Variants in DNASE1 observed in about 807,000 individuals in gnomAD.
DNASE1 encodes deoxyribonuclease-1.
A neutral mutation model predicts 33.9 loss-of-function variants in DNASE1; 40 were observed. The ratio of observed to expected loss-of-function variants is 1.18; its 90% CI spans 0.92 to 1.54. DNASE1 has a LOEUF of 1.54. Ranked by LOEUF, DNASE1 falls within the 40% of genes most tolerant of loss-of-function variation. DNASE1 has a pLI of 0.00. For synonymous variants in DNASE1, 216 were observed against 160.0 expected, an observed-to-expected ratio of 1.35 and a Z score of -2.64; for missense variants, 518 against 372.6, an observed-to-expected ratio of 1.39 and a Z score of -3.21.
intron 1 of DNASE1, among the ~76,000 whole-genome samples, chr16:3,637,655 C>G (rs1434201499): frequency 6.6e-6 from 1 of 152,140 alleles, no homozygotes; most frequent in Non-Finnish European, 1.5e-5. Context: ...GAGGACAGGC[C>G]TTGTTAAGAA....
chr16:3,640,808 T>C, upstream of DNASE1: 1 of 398,606 alleles, frequency 2.5e-6, no homozygotes, highest in Non-Finnish European at 4.4e-6. Context: ...AAGTTGCATG[T>C]CACTAGCTTC....
rs55920324 is a variant in DNASE1 at position 3,627,937 on chromosome 16, C to CAAAAA, written c.-1358-12758_-1358-12754dup. On this transcript the variant is annotated intron_variant and NMD_transcript_variant, in intron 1 of 11. Coordinates refer to the DNASE1 transcript ENST00000570769. ...TTTCAGCATGTATTTTCTATTTCTG[C>CAAAAA]AAAAAAAAAAAAAAAAAAAAAAAAG... Among the ~76,000 whole-genome samples the CAAAAA allele has an allele frequency of 1.8e-3, 142 of 80,376 alleles. 1 individual carries two copies. The highest frequency in any genetic ancestry group is 7.4e-3 in the African/African-American group (138 of 18,638). The allele number at this position is 80,376 out of a possible 152,430, so 52.7% of individuals were successfully genotyped here. A position where few individuals can be genotyped will look rare whatever the true frequency, so the allele number is the denominator to read the frequency against.
upstream of DNASE1, among the ~76,000 whole-genome samples, chr16:3,638,463 G>A (rs564217484): frequency 3.3e-4 from 50 of 152,040 alleles, no homozygotes; most frequent in African/African-American, 9.9e-4. Context: ...TCAGCCTCCC[G>A]AGTAGCTGGG....
chr16:3,642,093 G>T (rs778724301), upstream of DNASE1, among the ~76,000 whole-genome samples: 1 of 152,222 alleles, frequency 6.6e-6, no homozygotes, highest in Non-Finnish European at 1.5e-5. Flanking sequence ...CAGAGTTCCT[G>T]CTGGGCTCGG....
At chr16:3,658,806 A>G (rs1392824866), downstream of DNASE1, 1 of 1,613,708 alleles carries the variant, frequency 6.2e-7, no homozygotes, top group Non-Finnish European at 8.5e-7. Flanking sequence ...ATCCACCAGC[A>G]GCTGAGCCAG....
Position 3,655,027 on chromosome 16 carries a change from A to T in DNASE1, c.-19A>T. ...GACAGCATTCTCGTCATCTCTGAGGACATCACCATCATCTCAGGTGAGCAC... is the reference window on the plus strand; with the variant it reads ...GACAGCATTCTCGTCATCTCTGAGGTCATCACCATCATCTCAGGTGAGCAC... On this transcript the variant is annotated 5_prime_UTR_variant, in exon 1 of 9. Transcript: ENST00000246949. The T allele has an allele frequency of 1.8e-6, 1 of 554,432 alleles. No homozygotes were observed. Among genetic ancestry groups the T allele is most frequent in the Non-Finnish European group, 3.2e-6 (1 of 313,918 alleles). The allele number at this position is 554,432 out of a possible 1,614,324, so 34.3% of individuals were successfully genotyped here. A position where few individuals can be genotyped will look rare whatever the true frequency, so the allele number is the denominator to read the frequency against.
chr16:3,658,715 C>T (rs945418165), downstream of DNASE1: 114 of 1,354,906 alleles, frequency 8.4e-5, no homozygotes, highest in South Asian at 1.4e-3. Flanking sequence ...TTAGAGGAAA[C>T]CGCTGTTCCA....
downstream of DNASE1, chr16:3,661,646 G>C (rs141222608): frequency 9.9e-4 from 254 of 257,708 alleles, 3 homozygotes; most frequent in African/African-American, 5.3e-3. Flanking sequence ...TGAGCAACGT[G>C]AGACTTCAGC....
downstream of DNASE1, chr16:3,662,808 C>A: frequency 2.0e-6 from 3 of 1,465,028 alleles, no homozygotes; most frequent in Non-Finnish European, 2.9e-6. Context: ...GGGCCAGGTA[C>A]TGGGAGCCAC....
At chr16:3,614,200 C>T (rs1011127793) in intron 1 of DNASE1, among the ~76,000 whole-genome samples, 2 of 151,938 alleles carry the variant, frequency 1.3e-5, no homozygotes, top group African/African-American at 4.8e-5. Flanking sequence ...GTGTGAGCCA[C>T]CGCGCCCGGC....
chr16:3,638,465 G>C (rs2041938617), upstream of DNASE1, among the ~76,000 whole-genome samples: 1 of 152,240 alleles, frequency 6.6e-6, no homozygotes, highest in Admixed American at 6.5e-5. Flanking sequence ...AGCCTCCCGA[G>C]TAGCTGGGAC....
At chr16:3,644,410 A>G (rs1335451549) in intron 1 of DNASE1, among the ~76,000 whole-genome samples, 2 of 152,150 alleles carry the variant, frequency 1.3e-5, no homozygotes, top group East Asian at 3.9e-4. Context: ...TAAAAATACA[A>G]AAATTAGCCA....
chr16:3,620,540 A>T (rs2041271093), intron 1 of DNASE1, among the ~76,000 whole-genome samples: 1 of 151,832 alleles, frequency 6.6e-6, no homozygotes, highest in South Asian at 2.1e-4. Context: ...AAAAGTAATT[A>T]TACTATGCAT....
Position 3,656,653 on chromosome 16 carries a change from T to C in DNASE1, c.336T>C (p.Ser112=), listed in dbSNP as rs899940996. Residue 112 remains serine, a synonymous_variant, in exon 5 of 9, where the codon TCT becomes TCC. Transcript: ENST00000246949. ...CTTCCCGCAGGCCTGACCAGGTGTC[T>C]GCGGTGGACAGCTACTACTACGATG... ...YLFVYRPDQV[S]AVDSYYYDDG... is the part of the protein sequence containing the mutation. 2 of 1,612,112 alleles carry C rather than the reference T, an allele frequency of 1.2e-6. No homozygotes were observed. Among genetic ancestry groups the C allele is most frequent in the African/African-American group, 2.7e-5 (2 of 74,882 alleles).
chr16:3,663,517 G>A, exon 10 of DNASE1: 1 of 1,614,100 alleles, frequency 6.2e-7, no homozygotes, highest in South Asian at 1.1e-5. Flanking sequence ...AACTCACGAA[G>A]GTGCAGCAGG....
chr16:3,618,500 C>T (rs139311998), intron 1 of DNASE1, among the ~76,000 whole-genome samples: 95 of 152,300 alleles, frequency 6.2e-4, no homozygotes, highest in African/African-American at 1.9e-3. Context: ...GAGGCCAAGG[C>T]GGGCGGATTA....
intron 1 of DNASE1, among the ~76,000 whole-genome samples, chr16:3,624,716 C>T (rs777598500): frequency 5.3e-5 from 8 of 152,044 alleles, no homozygotes; most frequent in East Asian, 3.8e-4. Context: ...CTTACTTTGT[C>T]GTCACCCAGG....
chr16:3,663,263 C>T, exon 10 of DNASE1: 1 of 914,424 alleles, frequency 1.1e-6, no homozygotes, highest in South Asian at 1.7e-5. Context: ...AACCAGGAGG[C>T]ACCTTCCTCC....
intron 1 of DNASE1, among the ~76,000 whole-genome samples, chr16:3,624,986 A>T (rs754735587): frequency 1.6e-4 from 25 of 152,128 alleles, no homozygotes; most frequent in Non-Finnish European, 3.5e-4. Flanking sequence ...GTGAGCCATC[A>T]TGCCCAGCCT....
Sources: allele counts gnomAD v4.1 joint callset (sites outside exome capture counted in the v4.1 genomes callset), GRCh38; gene constraint gnomAD v4.1.1; transcripts MANE v1.5; gene names NCBI Gene and HGNC (gene_info 2026-07-23, HGNC 2026-07-21).